PCDHA8: variants seen among roughly 807,000 people sequenced by gnomAD.
PCDHA8 encodes protocadherin alpha-8.
A neutral mutation model predicts 61.8 loss-of-function variants in PCDHA8; 53 were observed. The observed-to-expected ratio is 0.86, with a 90% CI of 0.69 to 1.08. The LOEUF is 1.08. Ranked by LOEUF, PCDHA8 falls within the 50% of genes least tolerant of loss-of-function variation. The probability of loss-of-function intolerance (pLI) is 0.00; values close to 1 mark genes in which losing one functional copy is unlikely to be tolerated. For synonymous variants in PCDHA8, 618 were observed against 556.6 expected (o/e 1.11, Z -1.55); for missense variants, 1,293 against 1,245.0 (o/e 1.04, Z -0.58).
chr5:140,865,121 A>G (rs1247954384), intron 1 of PCDHA8: 9 of 152,186 alleles, frequency 5.9e-5, no homozygotes, highest in African/African-American at 2.2e-4. Context: ...TTGTGGTGTT[A>G]ATTATACCTT....
In PCDHA8 at chr5:140,842,950, G is replaced by C; in HGVS notation, c.1629G>C (p.Pro543=). Residue 543 remains proline, a synonymous_variant, in exon 1 of 4, where the codon CCG becomes CCC. Coordinates refer to ENST00000531613, the MANE Select transcript of PCDHA8 (RefSeq NM_018911.3). The part of the protein sequence containing the change: ...FQVSARDAGV[P]PLGSNVTLQV... The stretch of plus-strand genomic sequence containing the variant: ...TGAGCGCGCGCGACGCGGGCGTGCC[G>C]CCTCTGGGCAGCAACGTGACGCTGC... 1 of 1,594,728 alleles carries C rather than the reference G, an allele frequency of 6.3e-7. No individual in the cohort carries two copies. Among genetic ancestry groups the C allele is most frequent in the South Asian group, 1.1e-5 (1 of 90,496 alleles).
intron 1 of PCDHA8, among the ~76,000 whole-genome samples, chr5:140,920,232 A>C (rs1463016764): frequency 6.6e-6 from 1 of 152,232 alleles, no homozygotes; most frequent in African/African-American, 2.4e-5. Flanking sequence ...ATAGTATTAT[A>C]TACCCAACAA....
At chr5:140,941,255 C>CTTTCTCTT (rs782490896) in intron 1 of PCDHA8, among the ~76,000 whole-genome samples, 24 of 44,510 alleles carry the variant, frequency 5.4e-4, no homozygotes, top group African/African-American at 1.5e-3. Flanking sequence ...TTCTTTCTTT[C>CTTTCTCTT]TCTTTCTTTC....
intron 1 of PCDHA8, chr5:140,967,383 T>A: frequency 6.2e-7 from 1 of 1,608,702 alleles, no homozygotes; most frequent in Non-Finnish European, 8.5e-7. Flanking sequence ...AACAGTAAAG[T>A]GCTTGAGCTG....
chr5:140,879,824 T>G (rs946010713), intron 1 of PCDHA8, among the ~76,000 whole-genome samples: 2 of 152,250 alleles, frequency 1.3e-5, no homozygotes, highest in Non-Finnish European at 2.9e-5. Context: ...TGGTGTTCCC[T>G]GGCTTGTGGC....
chr5:140,978,642 C>T (rs140934683), intron 1 of PCDHA8, among the ~76,000 whole-genome samples: 126 of 152,354 alleles, frequency 8.3e-4, no homozygotes, highest in African/African-American at 2.8e-3. Context: ...TCAAAGCAGA[C>T]TGTTCTTCCC....
At chr5:140,851,304 C>A in intron 1 of PCDHA8, 2 of 1,006,386 alleles carry the variant, frequency 2.0e-6, no homozygotes, top group Non-Finnish European at 2.4e-6. Flanking sequence ...AAATATATAG[C>A]AATTGTTACC....
At position 140,877,459 on chromosome 5, in the gene PCDHA8, G is replaced by A. The variant is rs782125799; in HGVS notation, c.2394+33744G>A. ...CGGTGAGCCCGCGCTGACGTCCACGGCCACGGTGCTGGTGTCGCTGGTGGA... is the reference window on the plus strand; with the variant it reads ...CGGTGAGCCCGCGCTGACGTCCACGACCACGGTGCTGGTGTCGCTGGTGGA... On this transcript the variant is annotated intron_variant, in intron 1 of 3. Coordinates refer to ENST00000531613, the MANE Select transcript of PCDHA8 (RefSeq NM_018911.3). 98 of 1,613,712 alleles carry A rather than the reference G, an allele frequency of 6.1e-5. No individual in the cohort carries two copies. The East Asian group carries it at 2.1e-3, about 35-fold the overall frequency.
intron 1 of PCDHA8, chr5:140,869,914 G>A (rs782742972): frequency 6.2e-7 from 1 of 1,611,078 alleles, no homozygotes; most frequent in South Asian, 1.1e-5. Context: ...AGACCGAGAC[G>A]AAGGAGTCAA....
chr5:140,926,981 C>T (rs1420415867), intron 1 of PCDHA8: 3 of 1,610,216 alleles, frequency 1.9e-6, no homozygotes, highest in Admixed American at 1.7e-5. Context: ...CCGGAGGAGA[C>T]GGAGCGGGGC....
chr5:140,890,915 G>A (rs1169684735), intron 1 of PCDHA8, among the ~76,000 whole-genome samples: 4 of 152,116 alleles, frequency 2.6e-5, no homozygotes, highest in African/African-American at 9.7e-5. Flanking sequence ...AGAATAATTT[G>A]AGAGTTTCCT....
chr5:140,999,406 G>C (rs1459713118), intron 3 of PCDHA8, among the ~76,000 whole-genome samples: 1 of 152,166 alleles, frequency 6.6e-6, no homozygotes, highest in Non-Finnish European at 1.5e-5. Context: ...GCATATGAAA[G>C]AATGGGAGCT....
intron 1 of PCDHA8, among the ~76,000 whole-genome samples, chr5:140,978,620 G>A (rs2096812690): frequency 6.6e-6 from 1 of 152,220 alleles, no homozygotes; most frequent in South Asian, 2.1e-4. Context: ...AGCAGTGAAA[G>A]CTTTTCCTTT....
intron 1 of PCDHA8, among the ~76,000 whole-genome samples, chr5:140,923,036 T>C (rs868918813): frequency 1.3e-5 from 2 of 152,196 alleles, no homozygotes; most frequent in Non-Finnish European, 2.9e-5. Context: ...TATTACTACA[T>C]GTATAGTATT....
chr5:140,868,001 TG>T (rs1353110164), intron 1 of PCDHA8: 4 of 152,120 alleles, frequency 2.6e-5, no homozygotes, highest in Non-Finnish European at 5.9e-5. Context: ...TGAATATAAC[TG>T]AATTAGATTA....
intron 1 of PCDHA8, among the ~76,000 whole-genome samples, chr5:140,894,013 T>G (rs1161643824): frequency 1.3e-5 from 2 of 152,232 alleles, no homozygotes; most frequent in African/African-American, 4.8e-5. Flanking sequence ...TGGTTCAAAT[T>G]ACCAGTTCTG....
At chr5:140,979,386 A>C (rs1374804536) in intron 2 of PCDHA8, among the ~76,000 whole-genome samples, 1 of 152,142 alleles carries the variant, frequency 6.6e-6, no homozygotes, top group East Asian at 1.9e-4. Flanking sequence ...TGTGCAATGT[A>C]TACATACATG....
intron 1 of PCDHA8, chr5:140,966,895 G>T: frequency 6.3e-7 from 1 of 1,596,682 alleles, no homozygotes. Flanking sequence ...CGGCCTCCCA[G>T]CTGCGATACT....
chr5:140,904,911 G>A (rs2153487307), intron 1 of PCDHA8, among the ~76,000 whole-genome samples: 1 of 152,172 alleles, frequency 6.6e-6, no homozygotes, highest in African/African-American at 2.4e-5. Flanking sequence ...TTACTGATTT[G>A]TTTGACTTCC....
Sources: gnomAD v4.1 joint callset for allele counts (sites outside exome capture counted in the v4.1 genomes callset) on GRCh38, gnomAD v4.1.1 for gene constraint, MANE v1.5 for transcripts, NCBI Gene and HGNC (gene_info 2026-07-23, HGNC 2026-07-21) for gene names.